DLC1: variants seen among roughly 807,000 people sequenced by gnomAD.
The protein encoded by DLC1 is rho GTPase-activating protein 7.
In DLC1, 54 loss-of-function variants were observed where a neutral mutation model predicts 140.3. That is an observed-to-expected ratio of 0.38 (90% CI 0.31 to 0.48). DLC1 has a LOEUF of 0.48. DLC1 is among the 20% of genes least tolerant of loss of function. DLC1 has a pLI of 0.96. For missense variants in DLC1, 2,536 were observed against 1,907.0 expected, an observed-to-expected ratio of 1.33 and a Z score of -6.14; for synonymous variants, 986 against 728.1, an observed-to-expected ratio of 1.35 and a Z score of -5.70.
intron 13 of DLC1, among the ~76,000 whole-genome samples, chr8:13,091,839 G>T (rs1051347409): frequency 2.6e-5 from 4 of 152,094 alleles, no homozygotes; most frequent in African/African-American, 9.7e-5. Flanking sequence ...ACAGGTGAGG[G>T]CTAAGTCCAT....
At chr8:13,398,191 T>G (rs933148008) in intron 3 of DLC1, among the ~76,000 whole-genome samples, 6 of 151,668 alleles carry the variant, frequency 4.0e-5, no homozygotes, top group African/African-American at 1.5e-4. Flanking sequence ...AAGAAAGAAA[T>G]TAAGACAAAG....
intron 5 of DLC1, among the ~76,000 whole-genome samples, chr8:13,243,805 T>C (rs1396352949): frequency 6.6e-6 from 1 of 152,226 alleles, no homozygotes; most frequent in Non-Finnish European, 1.5e-5. Context: ...AGCTGCTCTC[T>C]GTCTTTCCAT....
At chr8:13,504,651 G>C (rs1411793232) in intron 1 of DLC1, among the ~76,000 whole-genome samples, 1 of 152,172 alleles carries the variant, frequency 6.6e-6, no homozygotes, top group Non-Finnish European at 1.5e-5. Flanking sequence ...GATATATTAG[G>C]AGCTGGGAAT....
intron 4 of DLC1, among the ~76,000 whole-genome samples, chr8:13,358,204 C>G (rs982945790): frequency 2.0e-5 from 3 of 152,240 alleles, no homozygotes; most frequent in Middle Eastern, 3.4e-3. Context: ...TTAACTAAAA[C>G]CAATTATATC....
intron 5 of DLC1, among the ~76,000 whole-genome samples, chr8:13,197,568 G>A (rs942777823): frequency 5.3e-5 from 8 of 151,910 alleles, no homozygotes; most frequent in African/African-American, 1.9e-4. Flanking sequence ...GGATGGTCTC[G>A]ATCTCCTGAC....
At chr8:13,092,489 A>T in intron 13 of DLC1, 123 bp downstream of exon 13, 2 of 1,026,262 alleles carry the variant, frequency 1.9e-6, no homozygotes, top group Non-Finnish European at 2.9e-6. Context: ...AGAATGGACT[A>T]ATATAGCGGT....
At chr8:13,103,743 G>A (rs765069413) in intron 7 of DLC1, among the ~76,000 whole-genome samples, 6 of 150,954 alleles carry the variant, frequency 4.0e-5, no homozygotes, top group Non-Finnish European at 8.8e-5. Flanking sequence ...GGAGGCTGTG[G>A]CAGGAAGAAT....
chr8:13,441,683 C>G (rs991044002), intron 2 of DLC1, among the ~76,000 whole-genome samples: 1 of 152,080 alleles, frequency 6.6e-6, no homozygotes, highest in African/African-American at 2.4e-5. Context: ...AGGAGAACTA[C>G]AAACCACTGC....
In DLC1 at chr8:13,590,563, A is replaced by G. The variant is rs74477556; in HGVS notation, c.-126+13974T>C. ...AAATCCCTCATAATATGCTTGGCCA[A>G]TGGATTTTGTTGTTCAGCTCCAGAA... On this transcript the variant is annotated intron_variant, in intron 1 of 1. Transcript: ENST00000631382. Among the ~76,000 whole-genome samples the G allele has an allele frequency of 3.4e-3, 516 of 152,166 alleles. 3 individuals carry two copies. Among genetic ancestry groups the G allele is most frequent in the African/African-American group, 0.012 (496 of 41,524 alleles).
At chr8:13,560,241 C>T (rs1804191773) in intron 1 of DLC1, among the ~76,000 whole-genome samples, 1 of 152,080 alleles carries the variant, frequency 6.6e-6, no homozygotes, top group African/African-American at 2.4e-5. Flanking sequence ...TGCTTAAAAA[C>T]ATTAAAAAAT....
chr8:13,285,403 G>A (rs910996918), intron 5 of DLC1, among the ~76,000 whole-genome samples: 3 of 152,104 alleles, frequency 2.0e-5, no homozygotes, highest in African/African-American at 7.2e-5. Context: ...ACTCTAAATG[G>A]AACATAGACC....
At chr8:13,580,913 AG>A (rs1425614811) in intron 1 of DLC1, among the ~76,000 whole-genome samples, 2 of 152,268 alleles carry the variant, frequency 1.3e-5, no homozygotes, top group Admixed American at 1.3e-4. Flanking sequence ...AGGATGGGTG[AG>A]GGCTCCCCAG....
intron 5 of DLC1, among the ~76,000 whole-genome samples, chr8:13,282,212 T>C (rs535806468): frequency 5.7e-4 from 87 of 152,244 alleles, no homozygotes; most frequent in Admixed American, 1.3e-3. Flanking sequence ...TCAAGCTATT[T>C]TCAAGTTGCT....
intron 2 of DLC1, among the ~76,000 whole-genome samples, chr8:13,479,301 TG>T (rs1200630083): frequency 6.6e-6 from 1 of 152,190 alleles, no homozygotes; most frequent in Non-Finnish European, 1.5e-5. Context: ...TGGATATATC[TG>T]AAGACCAAGC....
chr8:13,133,100 C>A, intron 5 of DLC1: 6 of 1,488,150 alleles, frequency 4.0e-6, no homozygotes, highest in Non-Finnish European at 5.4e-6. Flanking sequence ...GTCCTCAACG[C>A]ATCCTTGCTC....
intron 5 of DLC1, among the ~76,000 whole-genome samples, chr8:13,119,985 A>G (rs896803172): frequency 2.8e-5 from 2 of 72,502 alleles, no homozygotes; most frequent in African/African-American, 5.5e-5. Flanking sequence ...TAGTGAGAGA[A>G]GGAACAATTA....
At chr8:13,505,658 C>G (rs1020566486) in intron 1 of DLC1, among the ~76,000 whole-genome samples, 1 of 152,168 alleles carries the variant, frequency 6.6e-6, no homozygotes. Flanking sequence ...AAACACCAGT[C>G]TCATGTACGT....
intron 1 of DLC1, among the ~76,000 whole-genome samples, chr8:13,563,963 T>A (rs984034762): frequency 6.6e-6 from 1 of 152,124 alleles, no homozygotes; most frequent in Admixed American, 6.6e-5. Flanking sequence ...ATTAAGAAAT[T>A]CAAGAAAAAT....
intron 1 of DLC1, among the ~76,000 whole-genome samples, chr8:13,543,043 A>G (rs574866485): frequency 5.5e-4 from 83 of 152,260 alleles, no homozygotes; most frequent in African/African-American, 2.0e-3. Flanking sequence ...CTAGCTTTGC[A>G]TATGGACAAA....
Sources: gnomAD v4.1 joint callset for allele counts (sites outside exome capture counted in the v4.1 genomes callset) on GRCh38, gnomAD v4.1.1 for gene constraint, MANE v1.5 for transcripts, NCBI Gene and HGNC (gene_info 2026-07-23, HGNC 2026-07-21) for gene names.